The following MTUS2 variants were observed in gnomAD, a reference collection of about 807,000 sequenced individuals.
MTUS2 encodes microtubule associated scaffold protein 2.
A neutral mutation model predicts 114.1 loss-of-function variants in MTUS2; 40 were observed. That is an observed-to-expected ratio of 0.35 (90% CI 0.27 to 0.46). The LOEUF (loss-of-function observed/expected upper bound fraction) is 0.46. Among genes scored for constraint, MTUS2 ranks in the 20% least tolerant of loss-of-function variants. The probability of loss-of-function intolerance (pLI) is 1.00; values close to 1 mark genes in which losing one functional copy is unlikely to be tolerated. For missense variants in MTUS2, 1,679 were observed against 1,705.4 expected, an observed-to-expected ratio of 0.98 and a Z score of 0.27; for synonymous variants, 688 against 672.0, an observed-to-expected ratio of 1.02 and a Z score of -0.37.
rs113685216 is a variant in MTUS2 at position 29,414,853 on chromosome 13, T to C, written c.3118-25130T>C. Among the ~76,000 whole-genome samples the C allele has an allele frequency of 3.8e-3, 573 of 152,132 alleles. 6 individuals carry two copies. The highest frequency in any genetic ancestry group is 0.013 in the African/African-American group (550 of 41,574). On this transcript the variant is annotated intron_variant, in intron 8 of 15. Transcript: ENST00000612955. ...TGCTTCCTTTTGGTTTATTTTGTTG[T>C]ATTCTAGTTTTTTAACTAGGTATTT...
At chr13:29,085,278 A>G (rs1245928781) in intron 4 of MTUS2, among the ~76,000 whole-genome samples, 2 of 152,036 alleles carry the variant, frequency 1.3e-5, no homozygotes, top group Admixed American at 1.3e-4. Context: ...ACTGTTATTT[A>G]TTTTACTTTT....
chr13:28,984,638 C>T (rs962431721), intron 2 of MTUS2, among the ~76,000 whole-genome samples: 4 of 152,178 alleles, frequency 2.6e-5, no homozygotes, highest in African/African-American at 9.7e-5. Context: ...TTTCGAACCC[C>T]TATGACGTAA....
intron 8 of MTUS2, among the ~76,000 whole-genome samples, chr13:29,399,035 A>G (rs1874126678): frequency 6.6e-6 from 1 of 152,180 alleles, no homozygotes; most frequent in East Asian, 1.9e-4. Flanking sequence ...GTAGAGGAAT[A>G]AAAGAATGGC....
At chr13:29,352,604 T>C (rs1332671340) in intron 7 of MTUS2, among the ~76,000 whole-genome samples, 1 of 152,216 alleles carries the variant, frequency 6.6e-6, no homozygotes, top group Non-Finnish European at 1.5e-5. Context: ...GTGAATGGAA[T>C]CATATGCTTT....
chr13:29,128,687 C>T (rs1891622971), intron 5 of MTUS2, among the ~76,000 whole-genome samples: 1 of 151,816 alleles, frequency 6.6e-6, no homozygotes, highest in Admixed American at 6.6e-5. Flanking sequence ...TTTTCTTTAT[C>T]TTCTAATCAT....
chr13:29,154,641 A>G (rs1892785984), intron 5 of MTUS2, among the ~76,000 whole-genome samples: 1 of 152,232 alleles, frequency 6.6e-6, no homozygotes, highest in South Asian at 2.1e-4. Flanking sequence ...CAGGAGAATC[A>G]ATGCAGGAAA....
intron 5 of MTUS2, among the ~76,000 whole-genome samples, chr13:29,274,263 G>A (rs138156850): frequency 2.0e-4 from 31 of 152,056 alleles, no homozygotes; most frequent in African/African-American, 5.3e-4. Context: ...ACAGGTGCCC[G>A]CCACAACTGG....
intron 2 of MTUS2, among the ~76,000 whole-genome samples, chr13:29,011,739 CAG>C (rs562245576): frequency 2.8e-4 from 42 of 152,212 alleles, no homozygotes; most frequent in Non-Finnish European, 4.7e-4. Flanking sequence ...AATGAAAATA[CAG>C]AGTCTTTCCA....
chr13:29,364,499 G>A (rs1252585517), intron 8 of MTUS2, among the ~76,000 whole-genome samples: 1 of 152,188 alleles, frequency 6.6e-6, no homozygotes, highest in African/African-American at 2.4e-5. Flanking sequence ...AGTGAAGCTG[G>A]CCCCAGCTCA....
chr13:29,300,894 C>T (rs1899173694), intron 6 of MTUS2, among the ~76,000 whole-genome samples: 1 of 152,162 alleles, frequency 6.6e-6, no homozygotes, highest in Non-Finnish European at 1.5e-5. Flanking sequence ...AAACAACGAA[C>T]ATTTATTTTT....
intron 2 of MTUS2, among the ~76,000 whole-genome samples, chr13:28,854,736 T>C (rs1482991659): frequency 6.6e-6 from 1 of 152,324 alleles, no homozygotes; most frequent in Admixed American, 6.5e-5. Context: ...TAAAACCAGC[T>C]ATATTCCGCT....
At chr13:29,467,755 A>C (rs1419549767) in intron 9 of MTUS2, among the ~76,000 whole-genome samples, 1 of 152,202 alleles carries the variant, frequency 6.6e-6, no homozygotes, top group Non-Finnish European at 1.5e-5. Context: ...ATAACCTTGC[A>C]ATTATATTCG....
At chr13:29,500,792 AACACACACACACACACAC>A (rs3066073) in intron 14 of MTUS2, among the ~76,000 whole-genome samples, 8 of 144,278 alleles carry the variant, frequency 5.5e-5, no homozygotes, top group East Asian at 2.1e-4. Context: ...TTACATCAGA[AACACACACACACACACAC>A]ACACACACAC....
chr13:29,181,483 G>A (rs763146149), intron 5 of MTUS2, among the ~76,000 whole-genome samples: 7 of 152,068 alleles, frequency 4.6e-5, no homozygotes, highest in Admixed American at 6.6e-5. Flanking sequence ...CCTGATGCCA[G>A]CACTTTTTGA....
chr13:29,306,977 T>C, intron 6 of MTUS2: 1 of 548,002 alleles, frequency 1.8e-6, no homozygotes, highest in Non-Finnish European at 3.6e-6. Flanking sequence ...AACAGGAAGC[T>C]TGTCATCACT....
intron 9 of MTUS2, among the ~76,000 whole-genome samples, chr13:29,441,559 G>A (rs1190022346): frequency 6.6e-6 from 1 of 152,162 alleles, no homozygotes; most frequent in Non-Finnish European, 1.5e-5. Flanking sequence ...ATGTGGCCAC[G>A]CCTCATGATC....
chr13:29,165,104 C>T (rs1893260036), intron 5 of MTUS2, among the ~76,000 whole-genome samples: 1 of 152,180 alleles, frequency 6.6e-6, no homozygotes, highest in Non-Finnish European at 1.5e-5. Context: ...CTTCCTCCTC[C>T]CTGCTCTCTG....
intron 5 of MTUS2, among the ~76,000 whole-genome samples, chr13:29,254,140 G>A (rs1189468588): frequency 2.0e-5 from 3 of 152,186 alleles, no homozygotes; most frequent in Admixed American, 6.5e-5. Flanking sequence ...ACCATGATGA[G>A]GATGAGAGGG....
intron 7 of MTUS2, among the ~76,000 whole-genome samples, chr13:29,332,421 T>C (rs1350757636): frequency 6.6e-6 from 1 of 152,198 alleles, no homozygotes; most frequent in Non-Finnish European, 1.5e-5. Context: ...TTTATCATTT[T>C]TTATTGCGTC....
Sources: allele counts gnomAD v4.1 joint callset (sites outside exome capture counted in the v4.1 genomes callset), GRCh38; gene constraint gnomAD v4.1.1; transcripts MANE v1.5; gene names NCBI Gene and HGNC (gene_info 2026-07-23, HGNC 2026-07-21).